The following RERE variants were observed in gnomAD, a reference collection of about 807,000 sequenced individuals.
RERE encodes the protein arginine-glutamic acid dipeptide repeats.
Under a neutral mutation model 146.1 loss-of-function variants are expected in RERE, and 40 were observed. The ratio of observed to expected loss-of-function variants is 0.27; its 90% CI spans 0.21 to 0.36. The LOEUF (loss-of-function observed/expected upper bound fraction) is 0.36. Among genes scored for constraint, RERE ranks in the 10% least tolerant of loss-of-function variants. The pLI is 1.00. For missense variants in RERE, 1,933 were observed against 2,138.7 expected (o/e 0.90, Z 1.90); for synonymous variants, 1,003 against 866.0 (o/e 1.16, Z -2.78).
At chr1:8,530,398 T>C (rs1030907456) in intron 7 of RERE, among the ~76,000 whole-genome samples, 2 of 152,186 alleles carry the variant, frequency 1.3e-5, no homozygotes, top group African/African-American at 4.8e-5. Context: ...AGCTGTAACA[T>C]GAAAATTGCC....
At chr1:8,421,536 G>A (rs570942294) in intron 12 of RERE, among the ~76,000 whole-genome samples, 2 of 152,022 alleles carry the variant, frequency 1.3e-5, no homozygotes, top group East Asian at 3.9e-4. Context: ...AAATTTAATT[G>A]TCATTGACTG....
At chr1:8,537,004 A>G (rs1292698460) in intron 7 of RERE, among the ~76,000 whole-genome samples, 1 of 152,040 alleles carries the variant, frequency 6.6e-6, no homozygotes, top group African/African-American at 2.4e-5. Context: ...GGATTTAGAG[A>G]CCAGCCTGGG....
In RERE at chr1:8,502,465, G is replaced by T. The variant is rs1645184227; in HGVS notation, c.880-4936C>A. 4.0e-5 allele frequency among the ~76,000 whole-genome samples: 5 copies of T among 124,148 alleles called. No individual in the cohort carries two copies. The South Asian group carries it at 1.3e-3, about 33-fold the overall frequency. The allele number at this position is 124,148 out of a possible 152,430, so 81.4% of individuals were successfully genotyped here. A position where few individuals can be genotyped will look rare whatever the true frequency, so the allele number is the denominator to read the frequency against. ...AGCCGCCCCGTCCGGGAGGGTGGTG[G>T]GGGGGTCAGCCCCCTGCCCGGCCAG... is the stretch of plus-strand genomic sequence containing the variant. On this transcript the variant is annotated intron_variant, in intron 8 of 22. Transcript: ENST00000400908.
intron 1 of RERE, among the ~76,000 whole-genome samples, chr1:8,758,405 T>TTTTG (rs1640688365): frequency 1.3e-5 from 2 of 150,408 alleles, no homozygotes; most frequent in Non-Finnish European, 3.0e-5. Context: ...TTTTTTTTTT[T>TTTTG]TAAAGAAACG....
At chr1:8,416,180 C>CAA (rs1219219385) in intron 12 of RERE, among the ~76,000 whole-genome samples, 2 of 152,120 alleles carry the variant, frequency 1.3e-5, no homozygotes, top group African/African-American at 4.8e-5. Flanking sequence ...AACTAGACTG[C>CAA]ATGCCACAAG....
At chr1:8,726,960 C>A (rs1639982055) in intron 1 of RERE, among the ~76,000 whole-genome samples, 1 of 152,058 alleles carries the variant, frequency 6.6e-6, no homozygotes, top group South Asian at 2.1e-4. Context: ...CATGCACCAC[C>A]ACACCCAGCT....
At chr1:8,367,293 C>A (rs1371993138) in intron 12 of RERE, among the ~76,000 whole-genome samples, 1 of 152,212 alleles carries the variant, frequency 6.6e-6, no homozygotes, top group Non-Finnish European at 1.5e-5. Flanking sequence ...GAGAGGTGGG[C>A]AGATTTTAGG....
intron 11 of RERE, among the ~76,000 whole-genome samples, chr1:8,454,233 G>C (rs1405156241): frequency 6.6e-6 from 1 of 152,214 alleles, no homozygotes; most frequent in Non-Finnish European, 1.5e-5. Flanking sequence ...AGCTTCAAGG[G>C]AGATCCCAGA....
intron 11 of RERE, among the ~76,000 whole-genome samples, chr1:8,454,389 G>T (rs1644425475): frequency 6.6e-6 from 1 of 151,892 alleles, no homozygotes; most frequent in Non-Finnish European, 1.5e-5. Context: ...GTGAAAGGAT[G>T]GGGCAGGCAG....
chr1:8,504,399 A>G (rs943094385), intron 8 of RERE, among the ~76,000 whole-genome samples: 7 of 152,390 alleles, frequency 4.6e-5, no homozygotes, highest in African/African-American at 9.6e-5. Flanking sequence ...TTAATCATCA[A>G]TAAGAACTGA....
intron 1 of RERE, among the ~76,000 whole-genome samples, chr1:8,693,922 T>C (rs1639264154): frequency 6.6e-6 from 1 of 151,296 alleles, no homozygotes; most frequent in South Asian, 2.1e-4. Context: ...TTTAATGTTT[T>C]AAAATTTTTT....
At chr1:8,503,598 A>C (rs1225747667) in intron 8 of RERE, among the ~76,000 whole-genome samples, 1 of 152,354 alleles carries the variant, frequency 6.6e-6, no homozygotes, top group African/African-American at 2.4e-5. Flanking sequence ...GAACACAAGA[A>C]TATACTGTTA....
At chr1:8,768,740 T>C (rs1173958587) in intron 1 of RERE, among the ~76,000 whole-genome samples, 1 of 152,180 alleles carries the variant, frequency 6.6e-6, no homozygotes, top group African/African-American at 2.4e-5. Flanking sequence ...TATGAATACA[T>C]GTAACAACAC....
rs150146288 is a variant in RERE at position 8,496,914 on chromosome 1, G to T, written c.1004+491C>A. On this transcript the variant is annotated intron_variant, in intron 9 of 22. Coordinates refer to ENST00000400908, the MANE Select transcript of RERE (RefSeq NM_001042681.2). ...TTTTACTTTAAGGTCCAGGATACAAGTGCAGAACGTGTCGGTTTGTTACAT... is the reference window on the plus strand; with the variant it reads ...TTTTACTTTAAGGTCCAGGATACAATTGCAGAACGTGTCGGTTTGTTACAT... 3.0e-3 allele frequency among the ~76,000 whole-genome samples: 450 copies of T among 152,344 alleles called. 3 individuals are homozygous for T. Among genetic ancestry groups the T allele is most frequent in the African/African-American group, 0.01 (429 of 41,580 alleles).
chr1:8,575,575 T>G (rs1162692595), intron 4 of RERE, among the ~76,000 whole-genome samples: 4 of 126,716 alleles, frequency 3.2e-5, no homozygotes, highest in African/African-American at 1.1e-4. Context: ...TTTTTTTTTT[T>G]GGCAGAGACA....
Position 8,360,143 on chromosome 1 carries a change from C to T in RERE, c.3364G>A (p.Asp1122Asn). ...RSPSPEPTVVDTPSHASQSAR... is the reference protein window; with the variant it reads ...RSPSPEPTVVNTPSHASQSAR... The stretch of plus-strand genomic sequence containing the variant: ...GACTGGCTGGCGTGACTGGGGGTGT[C>T]CACCACAGTGGGCTCCGGGGACGGG... Residue 1122 changes from aspartate to asparagine, a missense_variant, in exon 18 of 23, where the codon GAC becomes AAC. Physicochemically the swap from Asp to Asn is conservative, Grantham distance 23. Around this residue, in one of 11 missense-constraint regions of RERE, gnomAD observed 1,255 missense variants for 1,153.8 expected, o/e 1.09. Transcript: ENST00000400908. The T allele has an allele frequency of 6.3e-7, 1 of 1,592,488 alleles. No individual in the cohort carries two copies. The highest frequency in any genetic ancestry group is 1.7e-4 in the Middle Eastern group (1 of 5,938).
chr1:8,433,844 G>A (rs568335511), intron 11 of RERE, among the ~76,000 whole-genome samples: 21 of 152,192 alleles, frequency 1.4e-4, no homozygotes, highest in Non-Finnish European at 3.1e-4. Flanking sequence ...ACAGGCGTGA[G>A]CCACCGCGCC....
chr1:8,588,834 C>A (rs1367578439), intron 4 of RERE, among the ~76,000 whole-genome samples: 3 of 152,142 alleles, frequency 2.0e-5, no homozygotes, highest in African/African-American at 7.2e-5. Context: ...TAAGAAACTA[C>A]TGACTGAGGC....
intron 1 of RERE, among the ~76,000 whole-genome samples, chr1:8,691,974 G>C (rs1557484393): frequency 6.6e-6 from 1 of 152,098 alleles, no homozygotes; most frequent in Non-Finnish European, 1.5e-5. Context: ...TCCAAGGACA[G>C]GACCAAATCT....
Sources: allele counts gnomAD v4.1 joint callset (sites outside exome capture counted in the v4.1 genomes callset), GRCh38; gene constraint gnomAD v4.1.1; regional missense constraint gnomAD v4.1.1; transcripts MANE v1.5; gene names NCBI Gene and HGNC (gene_info 2026-07-23, HGNC 2026-07-21).